The following BRINP3 variants were observed in gnomAD, a reference collection of about 807,000 sequenced individuals.
BRINP3 encodes BMP/retinoic acid inducible neural specific 3, also known as BMP/retinoic acid-inducible neural-specific protein 3.
Under a neutral mutation model 71.0 loss-of-function variants are expected in BRINP3, and 19 were observed. The observed-to-expected ratio is 0.27, with a 90% CI of 0.19 to 0.39. The LOEUF (loss-of-function observed/expected upper bound fraction) is 0.39. Ranked by LOEUF, BRINP3 falls within the 10% of genes least tolerant of loss-of-function variation. The pLI is 1.00. For missense variants in BRINP3, 959 were observed against 940.8 expected, an observed-to-expected ratio of 1.02 and a Z score of -0.25; for synonymous variants, 380 against 337.7, an observed-to-expected ratio of 1.13 and a Z score of -1.37.
intron 1 of BRINP3, among the ~76,000 whole-genome samples, chr1:190,457,824 T>C (rs985192176): frequency 4.6e-5 from 7 of 152,124 alleles, no homozygotes; most frequent in Non-Finnish European, 7.4e-5. Context: ...TACAATTCTG[T>C]AATTTTTCAA....
At chr1:190,141,555 C>CTTTTT (rs35090212) in intron 7 of BRINP3, among the ~76,000 whole-genome samples, 173 of 82,380 alleles carry the variant, frequency 2.1e-3, no homozygotes, top group East Asian at 2.5e-3. Context: ...TCTTTCTTTC[C>CTTTTT]TTTTTTTTTT....
At chr1:190,246,612 A>G (rs904952180) in intron 4 of BRINP3, among the ~76,000 whole-genome samples, 2 of 152,088 alleles carry the variant, frequency 1.3e-5, no homozygotes, top group African/African-American at 4.8e-5. Flanking sequence ...TAAAATTACT[A>G]TTCATTCAAA....
At chr1:190,203,412 T>C (rs1655179232) in intron 6 of BRINP3, among the ~76,000 whole-genome samples, 2 of 138,862 alleles carry the variant, frequency 1.4e-5, no homozygotes, top group South Asian at 5.5e-4. Flanking sequence ...TATATATGTA[T>C]GTGTGTGTGT....
chr1:190,226,325 GAACA>G lies in BRINP3; in HGVS notation c.725-11_725-8del. 4 of 1,465,648 alleles carry G rather than the reference GAACA, an allele frequency of 2.7e-6. No homozygotes were observed. Among genetic ancestry groups the G allele is most frequent in the South Asian group, 1.5e-5 (1 of 67,648 alleles). 90.8% of individuals were successfully genotyped at this position (1,465,648 alleles called of 1,614,324 possible). A position where few individuals can be genotyped will look rare whatever the true frequency, so the allele number is the denominator to read the frequency against. ...GGGAGAAGTACTTGAAGCCCTTGAA[GAACA>G]AACAAAGAAATTAACAAATTTACTT... is the stretch of plus-strand genomic sequence containing the variant. On this transcript the variant is annotated splice_polypyrimidine_tract_variant and splice_region_variant and intron_variant, in intron 5 of 7. Coordinates refer to ENST00000367462, the MANE Select transcript of BRINP3 (RefSeq NM_199051.3).
chr1:190,473,201 A>G (rs1677258937), intron 1 of BRINP3, among the ~76,000 whole-genome samples: 1 of 152,008 alleles, frequency 6.6e-6, no homozygotes, highest in Non-Finnish European at 1.5e-5. Flanking sequence ...ATCTACTACA[A>G]TAAAATTGCT....
intron 4 of BRINP3, among the ~76,000 whole-genome samples, chr1:190,260,227 T>C (rs921786716): frequency 2.6e-5 from 4 of 152,090 alleles, no homozygotes; most frequent in African/African-American, 9.6e-5. Context: ...ATCCAATGTA[T>C]GACATGAAGA....
intron 1 of BRINP3, among the ~76,000 whole-genome samples, chr1:190,458,743 A>G (rs1571367572): frequency 6.6e-6 from 1 of 151,988 alleles, no homozygotes; most frequent in South Asian, 2.1e-4. Flanking sequence ...AAGAGAAATC[A>G]CAAGTTCCAA....
intron 2 of BRINP3, among the ~76,000 whole-genome samples, chr1:190,315,961 G>A (rs1328833411): frequency 6.6e-6 from 1 of 151,958 alleles, no homozygotes; most frequent in African/African-American, 2.4e-5. Flanking sequence ...GATGATATAT[G>A]GGAAAACATG....
At chr1:190,115,670 G>T (rs1183053194) in intron 7 of BRINP3, among the ~76,000 whole-genome samples, 1 of 152,126 alleles carries the variant, frequency 6.6e-6, no homozygotes, top group Non-Finnish European at 1.5e-5. Context: ...AACCTCAGTG[G>T]TTTTTGGATA....
chr1:190,191,986 A>G (rs1178883278), intron 6 of BRINP3, among the ~76,000 whole-genome samples: 1 of 152,134 alleles, frequency 6.6e-6, no homozygotes, highest in Middle Eastern at 3.2e-3. Flanking sequence ...CTTAATGTTT[A>G]TACATTTCAA....
At chr1:190,328,644 A>G (rs1666763112) in intron 2 of BRINP3, among the ~76,000 whole-genome samples, 1 of 151,940 alleles carries the variant, frequency 6.6e-6, no homozygotes, top group South Asian at 2.1e-4. Flanking sequence ...CAAAATATCA[A>G]AGATGGGTGA....
chr1:190,467,942 CTA>C (rs1297246970), intron 1 of BRINP3, among the ~76,000 whole-genome samples: 1 of 151,406 alleles, frequency 6.6e-6, no homozygotes, highest in African/African-American at 2.4e-5. Flanking sequence ...CATAGAGAGA[CTA>C]TTAAATATTA....
intron 2 of BRINP3, among the ~76,000 whole-genome samples, chr1:190,285,613 A>G (rs1571631758): frequency 6.6e-6 from 1 of 152,010 alleles, no homozygotes; most frequent in Admixed American, 6.6e-5. Context: ...TTCTAGTAGT[A>G]TAATCTAGTA....
At chr1:190,217,078 T>C (rs1223969773) in intron 6 of BRINP3, 1 of 151,924 alleles carries the variant, frequency 6.6e-6, no homozygotes, top group East Asian at 1.9e-4. Context: ...TTCAAGCCTG[T>C]AGATAAGAAT....
intron 2 of BRINP3, among the ~76,000 whole-genome samples, chr1:190,313,772 A>G (rs1342754577): frequency 2.6e-5 from 4 of 152,072 alleles, no homozygotes; most frequent in Admixed American, 2.0e-4. Context: ...AATTATACAG[A>G]CATATAGCTA....
At chr1:190,458,076 A>G (rs1235559608) in intron 1 of BRINP3, among the ~76,000 whole-genome samples, 1 of 152,094 alleles carries the variant, frequency 6.6e-6, no homozygotes, top group Non-Finnish European at 1.5e-5. Flanking sequence ...TGTGCAGAGA[A>G]CTACCTAACA....
rs1320332390 is a variant in BRINP3, at chr1:190,160,840, T to G, written c.1012A>C (p.Thr338Pro). 2 of 1,613,120 alleles carry G rather than the reference T, an allele frequency of 1.2e-6. No homozygotes were observed. The highest frequency in any genetic ancestry group is 4.5e-5 in the East Asian group (2 of 44,812). Residue 338 changes from threonine (T) to proline (P), a missense_variant, in exon 7 of 8, where the codon ACA becomes CCA. Thr to Pro is a conservative substitution (Grantham distance 38). Transcript: ENST00000367462. Reference protein sequence around the residue: ...KRLPMNYFLNTSTIMHLWTMD... With the variant: ...KRLPMNYFLNPSTIMHLWTMD... The stretch of plus-strand genomic sequence containing the variant: ...GTCCACAAATGCATTATAGTAGATG[T>G]GTTGAGGAAATAATTCATAGGTAGC...
At chr1:190,397,733 T>G (rs1671669390) in intron 2 of BRINP3, among the ~76,000 whole-genome samples, 1 of 151,920 alleles carries the variant, frequency 6.6e-6, no homozygotes, top group Admixed American at 6.6e-5. Context: ...GCATATTTGA[T>G]TATGCATGTG....
chr1:190,130,915 A>G (rs905051829), intron 7 of BRINP3, among the ~76,000 whole-genome samples: 2 of 151,876 alleles, frequency 1.3e-5, no homozygotes, highest in Non-Finnish European at 2.9e-5. Context: ...ATACATCGGG[A>G]TTCCTGAACG....
Sources: gnomAD v4.1 joint callset for allele counts (sites outside exome capture counted in the v4.1 genomes callset) on GRCh38, gnomAD v4.1.1 for gene constraint, MANE v1.5 for transcripts, NCBI Gene and HGNC (gene_info 2026-07-23, HGNC 2026-07-21) for gene names.